The following NDUFA10 variants were observed in gnomAD, a reference collection of about 807,000 sequenced individuals.
NDUFA10 encodes NADH:ubiquinone oxidoreductase subunit A10.
A neutral mutation model predicts 47.8 loss-of-function variants in NDUFA10; 40 were observed. That is an observed-to-expected ratio of 0.84 (90% CI 0.65 to 1.09). The LOEUF (loss-of-function observed/expected upper bound fraction) is 1.09, where lower values mean the gene tolerates loss of function less well. NDUFA10 is among the 50% of genes least tolerant of loss of function. The probability of loss-of-function intolerance (pLI) is 0.00; values close to 1 mark genes in which losing one functional copy is unlikely to be tolerated. For missense variants in NDUFA10, 413 were observed against 451.1 expected (o/e 0.92, Z 0.76); for synonymous variants, 183 against 172.2 (o/e 1.06, Z -0.49).
Position 239,935,385 on chromosome 2 carries a change from G to A in NDUFA10, c.295-40071C>T, listed in dbSNP as rs376988305. On this transcript the variant is annotated intron_variant, in intron 4 of 5. Transcript: ENST00000419408. Reference sequence around the variant, plus strand: ...CTGGATGGGAAAATTACAATTCATCGCTGACCGGATTCCCTGGGCCCTGCA... The same window carrying A: ...CTGGATGGGAAAATTACAATTCATCACTGACCGGATTCCCTGGGCCCTGCA... 1.2e-3 allele frequency among the ~76,000 whole-genome samples: 178 copies of A among 152,306 alleles called. 1 individual carries two copies. Among genetic ancestry groups the A allele is most frequent in the African/African-American group, 3.9e-3 (164 of 41,570 alleles).
At chr2:240,008,312 C>A (rs554059402) in intron 6 of NDUFA10, among the ~76,000 whole-genome samples, 1 of 152,138 alleles carries the variant, frequency 6.6e-6, no homozygotes, top group Non-Finnish European at 1.5e-5. Flanking sequence ...TTAAGATCAA[C>A]ATAAATGGTC....
At chr2:239,999,924 G>A (rs1696636905) in intron 8 of NDUFA10, among the ~76,000 whole-genome samples, 1 of 152,164 alleles carries the variant, frequency 6.6e-6, no homozygotes, top group Admixed American at 6.5e-5. Flanking sequence ...CATATACAAT[G>A]TGGTCCTACA....
At chr2:239,965,584 A>G (rs1695026516) in intron 9 of NDUFA10, among the ~76,000 whole-genome samples, 2 of 152,294 alleles carry the variant, frequency 1.3e-5, no homozygotes, top group South Asian at 4.1e-4. Flanking sequence ...CTGCTCGTTC[A>G]CGGTGCCCGG....
intron 9 of NDUFA10, among the ~76,000 whole-genome samples, chr2:239,982,658 G>A (rs889091775): frequency 6.6e-6 from 1 of 152,186 alleles, no homozygotes; most frequent in African/African-American, 2.4e-5. Context: ...AGCTATGCCT[G>A]TTGTCTCCAG....
chr2:239,996,666 A>G (rs946172468), intron 8 of NDUFA10, among the ~76,000 whole-genome samples: 4 of 152,160 alleles, frequency 2.6e-5, no homozygotes, highest in African/African-American at 9.7e-5. Context: ...ATCATACAGT[A>G]TTTGCATATA....
At chr2:239,969,395 C>A in intron 9 of NDUFA10, 1 of 242,880 alleles carries the variant, frequency 4.1e-6, no homozygotes, top group Non-Finnish European at 8.5e-6. Context: ...GCTCCTACTG[C>A]AGGGAGGAAA....
At chr2:239,911,680 CGTGT>C (rs112686987) in intron 4 of NDUFA10, among the ~76,000 whole-genome samples, 2 of 149,850 alleles carry the variant, frequency 1.3e-5, no homozygotes, top group East Asian at 4.0e-4. Flanking sequence ...AGTGTGTGTG[CGTGT>C]GTGTGTGTGT....
intron 3 of NDUFA10, among the ~76,000 whole-genome samples, chr2:240,020,068 G>A (rs890786632): frequency 3.3e-5 from 5 of 152,192 alleles, no homozygotes; most frequent in Admixed American, 2.0e-4. Context: ...CTCCACCACC[G>A]TACAACTGTG....
chr2:239,931,092 T>C (rs79747935), intron 4 of NDUFA10, among the ~76,000 whole-genome samples: 12,114 of 152,260 alleles, frequency 0.08, 685 homozygotes, highest in East Asian at 0.21. Context: ...ATTTGCTAAA[T>C]TGAGTGCTTC....
At chr2:239,957,174 C>T (rs1178462973), downstream of NDUFA10, among the ~76,000 whole-genome samples, 1 of 152,210 alleles carries the variant, frequency 6.6e-6, no homozygotes, top group Non-Finnish European at 1.5e-5. Flanking sequence ...GGGGCTTCCA[C>T]CTGGGCCTCG....
intron 4 of NDUFA10, among the ~76,000 whole-genome samples, chr2:239,916,504 G>A (rs761132588): frequency 1.4e-4 from 22 of 152,320 alleles, no homozygotes; most frequent in Admixed American, 2.6e-4. Flanking sequence ...CCAAATGCCC[G>A]TCACAGGCCA....
chr2:240,025,093 G>A lies in NDUFA10; in HGVS notation c.75+134C>T, dbSNP rs957992051. 3.6e-6 allele frequency: 3 copies of A among 842,644 alleles called. No individual in the cohort carries two copies. In the African/African-American group the frequency reaches 5.6e-5, roughly 16 times the overall value. 52.2% of individuals were successfully genotyped at this position (842,644 alleles called of 1,614,324 possible). ...AGACCAAACAATTCCGGAGGCAGGA[G>A]GGGTCCCCCAAACCCACCCGGAGAG... is the stretch of plus-strand genomic sequence containing the variant. On this transcript the variant is annotated intron_variant, in intron 1 of 9. Transcript: ENST00000252711.
At chr2:239,990,744 A>C (rs904484514) in intron 8 of NDUFA10, among the ~76,000 whole-genome samples, 1 of 152,198 alleles carries the variant, frequency 6.6e-6, no homozygotes, top group Non-Finnish European at 1.5e-5. Context: ...CTTGGCACCA[A>C]TAAATATACA....
intron 5 of NDUFA10, among the ~76,000 whole-genome samples, chr2:239,894,975 A>G (rs1458799686): frequency 2.0e-5 from 3 of 152,132 alleles, no homozygotes; most frequent in Non-Finnish European, 4.4e-5. Flanking sequence ...CAGCTCAGGT[A>G]AAGACACCCC....
chr2:239,926,543 C>T (rs534781048), intron 4 of NDUFA10, among the ~76,000 whole-genome samples: 17 of 152,080 alleles, frequency 1.1e-4, no homozygotes, highest in East Asian at 1.9e-4. Flanking sequence ...AAATAACTGA[C>T]GATATTTCTG....
chr2:239,926,330 T>C (rs144747053), intron 4 of NDUFA10, among the ~76,000 whole-genome samples: 1 of 152,336 alleles, frequency 6.6e-6, no homozygotes, highest in East Asian at 1.9e-4. Flanking sequence ...TAGCATACAA[T>C]GCTTCAGTCA....
intron 3 of NDUFA10, 126 bp from the exon 4 acceptor site, chr2:240,018,765 T>C: frequency 9.3e-7 from 1 of 1,079,892 alleles, no homozygotes; most frequent in Non-Finnish European, 1.4e-6. Flanking sequence ...ACCAAAATAC[T>C]GAAAAGAACA....
rs1382168973 is a variant in NDUFA10 at position 239,945,344 on chromosome 2, A to C, written c.294+44730T>G. On this transcript the variant is annotated intron_variant, in intron 4 of 5. Coordinates refer to the NDUFA10 transcript ENST00000419408. This position sits in a 1 kb window ranked among gnomAD's most constrained non-coding sequence, Gnocchi z 4.6. ...ACAGATCAGCAATTTGCCCAAAGTC[A>C]CGCTGCTGCTGAGTGGAGACAGGAA... Among the ~76,000 whole-genome samples, 1 of 152,210 alleles carries C rather than the reference A, an allele frequency of 6.6e-6. No individual in the cohort carries two copies.
intron 4 of NDUFA10, among the ~76,000 whole-genome samples, chr2:240,015,146 G>C (rs1204925575): frequency 2.6e-5 from 4 of 152,212 alleles, no homozygotes; most frequent in Admixed American, 2.6e-4. Flanking sequence ...CTGAGGCCCA[G>C]AGAAATTAAG....
Sources: allele counts gnomAD v4.1 joint callset (sites outside exome capture counted in the v4.1 genomes callset), GRCh38; gene constraint gnomAD v4.1.1; non-coding constraint Gnocchi (gnomAD v3.1); transcripts MANE v1.5; gene names NCBI Gene and HGNC (gene_info 2026-07-23, HGNC 2026-07-21).